The following DAB1 variants were observed in gnomAD, a reference collection of about 807,000 sequenced individuals.
DAB1 encodes disabled homolog 1.
A neutral mutation model predicts 64.6 loss-of-function variants in DAB1; 15 were observed. The ratio of observed to expected loss-of-function variants is 0.23; its 90% CI spans 0.16 to 0.36. The LOEUF (loss-of-function observed/expected upper bound fraction) is 0.36. DAB1 is among the 10% of genes least tolerant of loss of function. The pLI, the probability that DAB1 is intolerant of heterozygous loss-of-function variation, is 1.00. For missense variants in DAB1, 596 were observed against 706.7 expected (o/e 0.84, Z 1.78); for synonymous variants, 235 against 251.9 (o/e 0.93, Z 0.64).
intron 5 of DAB1, among the ~76,000 whole-genome samples, chr1:58,055,041 C>A (rs112291213): frequency 6.6e-6 from 1 of 152,220 alleles, no homozygotes; most frequent in Non-Finnish European, 1.5e-5. Context: ...TATACCATAA[C>A]CCATCTTTTC....
chr1:57,711,858 T>C (rs573647891), intron 6 of DAB1, among the ~76,000 whole-genome samples: 47 of 152,330 alleles, frequency 3.1e-4, no homozygotes, highest in African/African-American at 1.1e-3. Context: ...CAAAGGTTAA[T>C]GTTATCCAGG....
intron 1 of DAB1, among the ~76,000 whole-genome samples, chr1:57,865,610 A>G (rs1439921853): frequency 1.3e-5 from 2 of 152,044 alleles, no homozygotes; most frequent in Non-Finnish European, 2.9e-5. Flanking sequence ...CTCTTCCCCC[A>G]AGGCTGCACT....
At chr1:57,988,408 A>G (rs544088751) in intron 5 of DAB1, among the ~76,000 whole-genome samples, 1 of 152,282 alleles carries the variant, frequency 6.6e-6, no homozygotes, top group African/African-American at 2.4e-5. Flanking sequence ...GGGAAAATGA[A>G]ATGTATCTCA....
chr1:57,590,542 A>G (rs1442898180), intron 7 of DAB1, among the ~76,000 whole-genome samples: 1 of 152,008 alleles, frequency 6.6e-6, no homozygotes, highest in African/African-American at 2.4e-5. Context: ...CATGTTGGCC[A>G]GGATGGTTTC....
chr1:58,515,763 G>T (rs979313768), intron 2 of DAB1, among the ~76,000 whole-genome samples: 1 of 151,866 alleles, frequency 6.6e-6, no homozygotes, highest in African/African-American at 2.4e-5. Flanking sequence ...AAGAACTAAG[G>T]GTCTTCCTAC....
At chr1:57,669,894 A>G (rs996215465) in intron 6 of DAB1, among the ~76,000 whole-genome samples, 3 of 152,180 alleles carry the variant, frequency 2.0e-5, no homozygotes, top group Non-Finnish European at 2.9e-5. Context: ...TGAGTTATGC[A>G]TGGAATTCAG....
At chr1:57,568,583 A>T (rs1645152597) in intron 7 of DAB1, among the ~76,000 whole-genome samples, 1 of 152,238 alleles carries the variant, frequency 6.6e-6, no homozygotes, top group African/African-American at 2.4e-5. Context: ...CTTACAAGAA[A>T]AAAACAAACA....
intron 9 of DAB1, among the ~76,000 whole-genome samples, chr1:57,031,393 T>C (rs1004997379): frequency 2.0e-5 from 3 of 152,234 alleles, no homozygotes; most frequent in Admixed American, 1.3e-4. Context: ...TGAATCATTT[T>C]AAAAGCCTCA....
intron 5 of DAB1, among the ~76,000 whole-genome samples, chr1:58,085,068 T>C (rs975571964): frequency 7.2e-5 from 11 of 152,178 alleles, no homozygotes; most frequent in African/African-American, 2.4e-4. Context: ...GCCAGTGAAA[T>C]GAAAGAATGG....
At chr1:58,120,866 C>A (rs942436607) in intron 5 of DAB1, among the ~76,000 whole-genome samples, 1 of 152,118 alleles carries the variant, frequency 6.6e-6, no homozygotes, top group Admixed American at 6.6e-5. Flanking sequence ...AGGAGCCAGG[C>A]GAAGGTGGCC....
chr1:57,436,852 C>T (rs1685714666), intron 7 of DAB1, among the ~76,000 whole-genome samples: 1 of 151,896 alleles, frequency 6.6e-6, no homozygotes, highest in Non-Finnish European at 1.5e-5. Context: ...CATGGTGAAC[C>T]CCGTCTCTAC....
intron 7 of DAB1, among the ~76,000 whole-genome samples, chr1:57,581,667 T>C (rs1645313705): frequency 6.7e-6 from 1 of 149,148 alleles, no homozygotes; most frequent in Non-Finnish European, 1.5e-5. Flanking sequence ...TATGGTCCTA[T>C]ATACCACATT....
intron 6 of DAB1, among the ~76,000 whole-genome samples, chr1:57,716,582 C>T (rs990407220): frequency 6.6e-6 from 1 of 152,144 alleles, no homozygotes; most frequent in Non-Finnish European, 1.5e-5. Context: ...AAAATCAACT[C>T]TAAGTGGATT....
intron 5 of DAB1, among the ~76,000 whole-genome samples, chr1:58,020,438 C>T (rs1391757969): frequency 6.6e-6 from 1 of 152,176 alleles, no homozygotes; most frequent in Non-Finnish European, 1.5e-5. Flanking sequence ...AAGCTGAAGA[C>T]AGAGATACTT....
At chr1:57,358,069 A>G (rs940747892) in intron 1 of DAB1, among the ~76,000 whole-genome samples, 2 of 152,028 alleles carry the variant, frequency 1.3e-5, no homozygotes, top group Non-Finnish European at 2.9e-5. Flanking sequence ...AGGGTTTTCT[A>G]TATATAAGAT....
chr1:57,740,043 CT>C (rs1557453497), intron 6 of DAB1, among the ~76,000 whole-genome samples: 2 of 64,848 alleles, frequency 3.1e-5, no homozygotes, highest in African/African-American at 1.3e-4. Context: ...ACTACTACTA[CT>C]ACAAAAAAAA....
At chr1:58,416,924 A>G (rs1314218715) in intron 3 of DAB1, among the ~76,000 whole-genome samples, 4 of 152,200 alleles carry the variant, frequency 2.6e-5, no homozygotes, top group African/African-American at 9.6e-5. Context: ...AAAGAATGTA[A>G]GGTATCTCAC....
intron 1 of DAB1, among the ~76,000 whole-genome samples, chr1:57,305,020 C>A (rs1674012566): frequency 6.6e-6 from 1 of 152,198 alleles, no homozygotes; most frequent in Non-Finnish European, 1.5e-5. Context: ...CACACTTCCT[C>A]ACCTATTCAA....
chr1:58,438,840 C>G (rs1353594652), intron 3 of DAB1, among the ~76,000 whole-genome samples: 2 of 152,214 alleles, frequency 1.3e-5, no homozygotes. Context: ...TCTTCCTGTT[C>G]TTTCTCCTGC....
Sources: gnomAD v4.1 joint callset for allele counts (sites outside exome capture counted in the v4.1 genomes callset) on GRCh38, gnomAD v4.1.1 for gene constraint, MANE v1.5 for transcripts, NCBI Gene and HGNC (gene_info 2026-07-23, HGNC 2026-07-21) for gene names.